Variants in DDAH1 observed in about 807,000 individuals in gnomAD.
DDAH1 encodes the protein N(G),N(G)-dimethylarginine dimethylaminohydrolase 1.
A neutral mutation model predicts 28.8 loss-of-function variants in DDAH1; 19 were observed. That is an observed-to-expected ratio of 0.66 (90% confidence interval 0.46 to 0.97). The LOEUF (loss-of-function observed/expected upper bound fraction) is 0.97, where lower values mean the gene tolerates loss of function less well. Ranked by LOEUF, DDAH1 falls within the 50% of genes least tolerant of loss-of-function variation. The probability of loss-of-function intolerance (pLI) is 0.00; values close to 1 mark genes in which losing one functional copy is unlikely to be tolerated. For missense variants in DDAH1, 326 were observed against 375.9 expected (o/e 0.87, Z 1.10); for synonymous variants, 153 against 154.4 (o/e 0.99, Z 0.07).
intron 5 of DDAH1, 41 bp downstream of exon 5, chr1:85,324,699 G>C: frequency 6.2e-7 from 1 of 1,609,948 alleles, no homozygotes; most frequent in Non-Finnish European, 8.5e-7. Context: ...TCCCCAGGGA[G>C]GCTGACCCAG....
At position 85,321,499 on chromosome 1, in the gene DDAH1, G is replaced by A. The variant is rs182780694; in HGVS notation, c.811C>T (p.Leu271=). ...SMSELEKVDG[L]LTCCSVLINK... is the part of the protein sequence containing the mutation. ...ATTAAAACTGAGCAGCAGGTGAGCAGCCCATCCACCTTTTCCAGTTCAGAC... is the reference window on the plus strand; with the variant it reads ...ATTAAAACTGAGCAGCAGGTGAGCAACCCATCCACCTTTTCCAGTTCAGAC... The change falls in exon 6 of 6, where the codon CTG becomes TTG. Residue 271 remains leucine (L), a synonymous_variant. Coordinates refer to ENST00000284031, the MANE Select transcript of DDAH1 (RefSeq NM_012137.4). 1.2e-5 allele frequency: 20 copies of A among 1,614,136 alleles called. No individual in the cohort carries two copies. The African/African-American group carries it at 2.5e-4, about 20-fold the overall frequency.
intron 2 of DDAH1, 110 bp from the exon 3 acceptor site, chr1:85,351,689 C>T (rs1420898535): frequency 1.3e-6 from 1 of 770,808 alleles, no homozygotes; most frequent in Non-Finnish European, 2.2e-6. Context: ...TCTCTTACCA[C>T]AGAGAACAGC....
At chr1:85,498,746 C>T (rs61785166) in intron 1 of DDAH1, among the ~76,000 whole-genome samples, 15,134 of 152,116 alleles carry the variant, frequency 0.099, 991 homozygotes, top group Non-Finnish European at 0.15. Context: ...TGGTGAAACC[C>T]TGTCTCTACC....
At chr1:85,465,437 G>T (rs570188401), upstream of DDAH1, among the ~76,000 whole-genome samples, 95 of 148,338 alleles carry the variant, frequency 6.4e-4, no homozygotes, top group African/African-American at 2.2e-3. Flanking sequence ...TTCTGTCGCA[G>T]GTGCACACCT....
intron 1 of DDAH1, among the ~76,000 whole-genome samples, chr1:85,558,207 C>T (rs1659039990): frequency 6.6e-6 from 1 of 152,034 alleles, no homozygotes; most frequent in Non-Finnish European, 1.5e-5. Context: ...ACTTAAAATA[C>T]AAAAATTAGC....
intron 4 of DDAH1, among the ~76,000 whole-genome samples, chr1:85,348,301 T>C (rs1040174619): frequency 6.6e-6 from 1 of 152,178 alleles, no homozygotes; most frequent in Non-Finnish European, 1.5e-5. Context: ...GGGGTTTTTT[T>C]CCTAGGTCAT....
intron 1 of DDAH1, among the ~76,000 whole-genome samples, chr1:85,550,358 G>C (rs1333600536): frequency 6.6e-6 from 1 of 152,140 alleles, no homozygotes; most frequent in Non-Finnish European, 1.5e-5. Context: ...CAATGGAGCA[G>C]CGGTAGCATG....
At chr1:85,530,286 C>T (rs1358027860) in intron 1 of DDAH1, among the ~76,000 whole-genome samples, 3 of 152,232 alleles carry the variant, frequency 2.0e-5, no homozygotes, top group African/African-American at 4.8e-5. Flanking sequence ...ACTAATCATC[C>T]TCCTTCAGGT....
chr1:85,519,088 CTT>C (rs71075842), intron 1 of DDAH1, among the ~76,000 whole-genome samples: 66 of 69,126 alleles, frequency 9.5e-4, no homozygotes, highest in Admixed American at 3.2e-3. Flanking sequence ...AAAGACGGAT[CTT>C]TTTTTTTTTT....
intron 5 of DDAH1, among the ~76,000 whole-genome samples, chr1:85,323,099 A>G (rs1376392966): frequency 2.6e-5 from 4 of 152,330 alleles, no homozygotes; most frequent in Middle Eastern, 6.8e-3. Context: ...AAATAGAAAA[A>G]ATTATCTATG....
intron 4 of DDAH1, 45 bp downstream of exon 4, chr1:85,350,370 C>A: frequency 6.3e-7 from 1 of 1,593,604 alleles, no homozygotes; most frequent in Non-Finnish European, 8.5e-7. Flanking sequence ...AACCCTGTGG[C>A]AGGCACCCCC....
chr1:85,546,993 G>A (rs1658645892), intron 1 of DDAH1, among the ~76,000 whole-genome samples: 1 of 152,030 alleles, frequency 6.6e-6, no homozygotes, highest in Non-Finnish European at 1.5e-5. Flanking sequence ...GTACTCTGGG[G>A]ATTGAGTTAG....
chr1:85,372,456 T>A (rs1224386975), intron 1 of DDAH1, among the ~76,000 whole-genome samples: 2 of 152,122 alleles, frequency 1.3e-5, no homozygotes, highest in South Asian at 2.1e-4. Flanking sequence ...AGTATTTTCC[T>A]AATAGAAACA....
At chr1:85,544,399 A>G (rs982741072) in intron 1 of DDAH1, among the ~76,000 whole-genome samples, 7 of 152,156 alleles carry the variant, frequency 4.6e-5, no homozygotes, top group African/African-American at 1.7e-4. Flanking sequence ...CATGAATTGA[A>G]TTGCATTTAA....
At chr1:85,470,294 G>A (rs1448595024) in intron 2 of DDAH1, among the ~76,000 whole-genome samples, 1 of 152,202 alleles carries the variant, frequency 6.6e-6, no homozygotes, top group Non-Finnish European at 1.5e-5. Flanking sequence ...TGGCCACAAG[G>A]CAAGAGAGAA....
At chr1:85,338,508 G>A (rs951455821) in intron 4 of DDAH1, among the ~76,000 whole-genome samples, 3 of 152,108 alleles carry the variant, frequency 2.0e-5, no homozygotes, top group Non-Finnish European at 2.9e-5. Flanking sequence ...ATTTACTTTA[G>A]GAATAGATTT....
upstream of DDAH1, among the ~76,000 whole-genome samples, chr1:85,469,184 G>A (rs1014977461): frequency 6.6e-6 from 1 of 152,200 alleles, no homozygotes; most frequent in African/African-American, 2.4e-5. Flanking sequence ...TGTGGGCCCA[G>A]AAAGAAAAGA....
intron 1 of DDAH1, among the ~76,000 whole-genome samples, chr1:85,575,169 T>C (rs917645778): frequency 2.0e-5 from 3 of 152,168 alleles, no homozygotes; most frequent in African/African-American, 7.2e-5. Flanking sequence ...AGGTCAAGGC[T>C]ATGGTGAGCC....
chr1:85,515,070 C>T (rs1570629705), intron 1 of DDAH1, among the ~76,000 whole-genome samples: 1 of 149,212 alleles, frequency 6.7e-6, no homozygotes, highest in East Asian at 2.0e-4. Context: ...ATTGATATTG[C>T]CAATTCAAAT....
Sources: allele counts gnomAD v4.1 joint callset (sites outside exome capture counted in the v4.1 genomes callset), GRCh38; gene constraint gnomAD v4.1.1; transcripts MANE v1.5; gene names NCBI Gene and HGNC (gene_info 2026-07-23, HGNC 2026-07-21).